USP15: variants seen among roughly 807,000 people sequenced by gnomAD.
USP15 encodes ubiquitin carboxyl-terminal hydrolase 15.
USP15 carries 18 observed loss-of-function variants against 127.1 expected under a neutral mutation model. The observed-to-expected ratio is 0.14, with a 90% confidence interval of 0.10 to 0.21. The LOEUF is 0.21. USP15 is among the 10% of genes least tolerant of loss of function. The pLI, the probability that USP15 is intolerant of heterozygous loss-of-function variation, is 1.00. For missense variants in USP15, 805 were observed against 1,159.9 expected, an observed-to-expected ratio of 0.69 and a Z score of 4.44; for synonymous variants, 364 against 393.7, an observed-to-expected ratio of 0.92 and a Z score of 0.89.
intron 3 of USP15, among the ~76,000 whole-genome samples, chr12:62,305,432 G>A (rs961957380): frequency 6.6e-6 from 1 of 152,102 alleles, no homozygotes; most frequent in Non-Finnish European, 1.5e-5. Flanking sequence ...AGGATTCTGT[G>A]ACTAAGAAAA....
rs754196186 is a variant in USP15, at chr12:62,302,911, A to G, written c.339A>G (p.Ile113Met). Residue 113 changes from isoleucine to methionine, a missense_variant, in exon 3 of 22, where the codon ATA becomes ATG. Ile to Met is a conservative substitution (Grantham distance 10). Coordinates refer to ENST00000280377, the MANE Select transcript of USP15 (RefSeq NM_001252078.2). ...WYTLMEGQEP[I>M]ARKVVEQGMF... is the part of the protein sequence containing the mutation. ...CATTGATGGAAGGTCAAGAGCCAATAGCACGAAAGGTACATTTTAATAATA... is the reference window on the plus strand; with the variant it reads ...CATTGATGGAAGGTCAAGAGCCAATGGCACGAAAGGTACATTTTAATAATA... The G allele has an allele frequency of 5.0e-6, 8 of 1,611,700 alleles. 1 individual carries two copies. The South Asian group carries it at 7.7e-5, about 16-fold the overall frequency.
chr12:62,413,598 T>C lies in USP15; in HGVS notation c.*9223T>C, dbSNP rs1414179874. On this transcript the variant is annotated 3_prime_UTR_variant, in exon 22 of 22. Transcript: ENST00000280377. ...TTAAACTCCATGAATCAACCACTGC[T>C]AGCTTCAGACTTTTCTTCTGCAGCT... The C allele has an allele frequency of 6.6e-6, 1 of 152,244 alleles. No individual in the cohort carries two copies. The highest frequency in any genetic ancestry group is 6.5e-5 in the Admixed American group (1 of 15,280). 9.4% of individuals were successfully genotyped at this position (152,244 alleles called of 1,614,324 possible).
intron 8 of USP15, among the ~76,000 whole-genome samples, chr12:62,365,910 A>C (rs559980475): frequency 1.3e-5 from 2 of 152,262 alleles, no homozygotes; most frequent in Admixed American, 6.5e-5. Flanking sequence ...GCATTGGTCT[A>C]TATATCTGTT....
At chr12:62,374,071 G>T (rs1417441344) in intron 8 of USP15, among the ~76,000 whole-genome samples, 1 of 151,812 alleles carries the variant, frequency 6.6e-6, no homozygotes, top group African/African-American at 2.4e-5. Flanking sequence ...TGATTAATTA[G>T]AAAACAATTG....
rs760041600 is a variant in USP15 at position 62,325,893 on chromosome 12, A to G, written c.643A>G (p.Asn215Asp). ...QGQVLVIEQK[N>D]EDGTWPRGPS... ...GCAGGTATTAGTGATAGAACAGAAAAATGAAGATGGAACATGGCCAAGGGG... is the reference window on the plus strand; with the variant it reads ...GCAGGTATTAGTGATAGAACAGAAAGATGAAGATGGAACATGGCCAAGGGG... The change falls in exon 6 of 22, where the codon AAT (asparagine) becomes GAT (aspartate). Residue 215 changes from asparagine to aspartate, a missense_variant. Coordinates refer to ENST00000280377, the MANE Select transcript of USP15 (RefSeq NM_001252078.2). 1 of 1,610,782 alleles carries G rather than the reference A, an allele frequency of 6.2e-7. No homozygotes were observed. The highest frequency in any genetic ancestry group is 8.5e-7 in the Non-Finnish European group (1 of 1,178,032).
At chr12:62,299,156 C>T (rs2064225950) in intron 2 of USP15, among the ~76,000 whole-genome samples, 1 of 152,234 alleles carries the variant, frequency 6.6e-6, no homozygotes. Flanking sequence ...TGGAGTCTCA[C>T]TCTGTTGCCC....
intron 1 of USP15, among the ~76,000 whole-genome samples, chr12:62,270,518 C>G (rs2063323492): frequency 6.6e-6 from 1 of 152,022 alleles, no homozygotes. Context: ...GTCTGTAATT[C>G]AATCGAGTTA....
chr12:62,295,080 A>G (rs916022505), intron 2 of USP15, among the ~76,000 whole-genome samples: 1 of 152,220 alleles, frequency 6.6e-6, no homozygotes, highest in Non-Finnish European at 1.5e-5. Context: ...CAAGGCTACA[A>G]GAGTCCAGGA....
chr12:62,293,593 T>C lies in USP15; in HGVS notation c.90-586T>C, dbSNP rs150118637. The stretch of plus-strand genomic sequence containing the variant: ...CTGGTCTTGAACTCCTGACCTCAAC[T>C]GATCCACCCACCTCAGCCTTCCAAA... On this transcript the variant is annotated intron_variant, in intron 1 of 21. Coordinates refer to ENST00000280377, the MANE Select transcript of USP15 (RefSeq NM_001252078.2). 5.7e-3 allele frequency among the ~76,000 whole-genome samples: 873 copies of C among 152,296 alleles called. 7 individuals are homozygous for C. The highest frequency in any genetic ancestry group is 8.0e-3 in the Non-Finnish European group (542 of 68,018).
intron 19 of USP15, among the ~76,000 whole-genome samples, chr12:62,395,783 C>T (rs1441266812): frequency 6.6e-6 from 1 of 151,644 alleles, no homozygotes; most frequent in African/African-American, 2.4e-5. Flanking sequence ...TTTGATTTAA[C>T]ATAATCTCCA....
At chr12:62,375,681 TAAGA>T (rs961636781) in intron 8 of USP15, among the ~76,000 whole-genome samples, 7 of 152,176 alleles carry the variant, frequency 4.6e-5, no homozygotes, top group Non-Finnish European at 1.0e-4. Context: ...ATGAATATTC[TAAGA>T]AAGGCAAGAG....
chr12:62,282,877 CTAAG>C (rs1382575346), intron 1 of USP15, among the ~76,000 whole-genome samples: 1 of 152,102 alleles, frequency 6.6e-6, no homozygotes, highest in Non-Finnish European at 1.5e-5. Flanking sequence ...TTAAAAATGT[CTAAG>C]TAACTATAAA....
At chr12:62,375,395 A>T (rs2066794546) in intron 8 of USP15, among the ~76,000 whole-genome samples, 1 of 152,138 alleles carries the variant, frequency 6.6e-6, no homozygotes, top group Admixed American at 6.5e-5. Context: ...CACTGCTCTA[A>T]GTCTCTCTAA....
chr12:62,355,263 A>G (rs2066085016), intron 7 of USP15, 68 bp from the exon 8 acceptor site: 5 of 1,349,874 alleles, frequency 3.7e-6, no homozygotes, highest in Middle Eastern at 4.4e-4. Flanking sequence ...AAATAGGCCT[A>G]AAGTACTCTT....
Position 62,260,457 on chromosome 12 carries a change from G to A in USP15, c.43G>A (p.Asp15Asn). 1 of 1,552,190 alleles carries A rather than the reference G, an allele frequency of 6.4e-7. No individual in the cohort carries two copies. Among genetic ancestry groups the A allele is most frequent in the Non-Finnish European group, 8.7e-7 (1 of 1,147,754 alleles). ...GGCGGATCTGGACACCCAGCGGTCT[G>A]ACATCGCGACGCTGCTCAAAACCTC... ...GAADLDTQRS[D>N]IATLLKTSLR... Residue 15 changes from aspartate (D) to asparagine (N), a missense_variant, in exon 1 of 22, where the codon GAC (aspartate) becomes AAC (asparagine). By Grantham distance (23) the Asp-to-Asn change is conservative. Transcript: ENST00000280377.
chr12:62,276,767 T>C (rs759714653), intron 1 of USP15, among the ~76,000 whole-genome samples: 1 of 152,050 alleles, frequency 6.6e-6, no homozygotes, highest in Non-Finnish European at 1.5e-5. Flanking sequence ...AAATTTTTAA[T>C]TAAAATCTAA....
chr12:62,269,526 C>T (rs2063293249), intron 1 of USP15, among the ~76,000 whole-genome samples: 1 of 152,000 alleles, frequency 6.6e-6, no homozygotes, highest in Non-Finnish European at 1.5e-5. Flanking sequence ...TCAAGCAATT[C>T]CACTGCCTCA....
chr12:62,394,175 T>C (rs1232808847), intron 19 of USP15, among the ~76,000 whole-genome samples: 3 of 152,330 alleles, frequency 2.0e-5, no homozygotes, highest in Admixed American at 6.5e-5. Context: ...AAAGGGAACA[T>C]TGTATTCCCC....
At chr12:62,381,913 GAAA>G (rs1002368083) in intron 9 of USP15, among the ~76,000 whole-genome samples, 2 of 151,818 alleles carry the variant, frequency 1.3e-5, no homozygotes, top group Non-Finnish European at 2.9e-5. Flanking sequence ...AGAGAATAAT[GAAA>G]AAAAGTTGAA....
Sources: gnomAD v4.1 joint callset for allele counts (sites outside exome capture counted in the v4.1 genomes callset) on GRCh38, gnomAD v4.1.1 for gene constraint, MANE v1.5 for transcripts, NCBI Gene and HGNC (gene_info 2026-07-23, HGNC 2026-07-21) for gene names.